Variants in CD226 observed in about 807,000 individuals in gnomAD.
The protein encoded by CD226 is CD226 molecule.
A neutral mutation model predicts 34.9 loss-of-function variants in CD226; 24 were observed. That is an observed-to-expected ratio of 0.69 (90% CI 0.50 to 0.97). The LOEUF (loss-of-function observed/expected upper bound fraction) is 0.97. Ranked by LOEUF, CD226 falls within the 50% of genes least tolerant of loss-of-function variation. The probability of loss-of-function intolerance (pLI) is 0.00; values close to 1 mark genes in which losing one functional copy is unlikely to be tolerated. For missense variants in CD226, 397 were observed against 412.7 expected (o/e 0.96, Z 0.33); for synonymous variants, 148 against 147.4 (o/e 1.00, Z -0.03).
At chr18:69,899,639 A>G (rs1211662935) in intron 2 of CD226, among the ~76,000 whole-genome samples, 2 of 152,238 alleles carry the variant, frequency 1.3e-5, no homozygotes, top group African/African-American at 4.8e-5. Flanking sequence ...ACACTTCTCA[A>G]AAGAAGACAT....
intron 2 of CD226, among the ~76,000 whole-genome samples, chr18:69,904,757 A>G (rs993748378): frequency 2.6e-5 from 4 of 152,220 alleles, no homozygotes; most frequent in Non-Finnish European, 5.9e-5. Context: ...ATAAAACCAA[A>G]AAATAAAATG....
chr18:69,939,207 T>C (rs1173021216), intron 2 of CD226, among the ~76,000 whole-genome samples: 2 of 152,254 alleles, frequency 1.3e-5, no homozygotes, highest in Non-Finnish European at 2.9e-5. Context: ...TTAAAGACCC[T>C]TTCAGCCCTT....
At chr18:69,942,193 G>A (rs1041883284) in intron 2 of CD226, among the ~76,000 whole-genome samples, 4 of 152,302 alleles carry the variant, frequency 2.6e-5, no homozygotes, top group African/African-American at 9.6e-5. Context: ...TCACAGCAGT[G>A]TGAGAATAGA....
chr18:69,894,337 C>G (rs532095849), intron 3 of CD226, among the ~76,000 whole-genome samples: 2 of 76,824 alleles, frequency 2.6e-5, no homozygotes, highest in East Asian at 3.3e-4. Context: ...GCCTAATACA[C>G]AAATAGTGCA....
At chr18:69,872,536 T>G (rs1461211235) in intron 4 of CD226, among the ~76,000 whole-genome samples, 1 of 152,126 alleles carries the variant, frequency 6.6e-6, no homozygotes, top group African/African-American at 2.4e-5. Context: ...CAGGCACATA[T>G]CACTGTGACC....
chr18:69,874,153 C>T (rs1983720985), intron 3 of CD226, among the ~76,000 whole-genome samples: 1 of 152,176 alleles, frequency 6.6e-6, no homozygotes, highest in Non-Finnish European at 1.5e-5. Context: ...GTGGATGTGT[C>T]TCTTCATTTG....
rs1403317655 is a variant in CD226 at position 69,855,240 on chromosome 18, T to C, written c.*9074A>G. 4 of 152,002 alleles carry C rather than the reference T, an allele frequency of 2.6e-5. No homozygotes were observed. The highest frequency in any genetic ancestry group is 9.7e-5 in the African/African-American group (4 of 41,354). 9.4% of individuals were successfully genotyped at this position (152,002 alleles called of 1,614,324 possible). On this transcript the variant is annotated 3_prime_UTR_variant, in exon 6 of 6. Coordinates refer to ENST00000582621, the MANE Select transcript of CD226 (RefSeq NM_001303618.2). ...TCAGAATTATCAGACATGGAACTTA[T>C]CATTAATATGTTAAGAGCTCTCATG... is the stretch of plus-strand genomic sequence containing the variant.
chr18:69,934,727 T>TA (rs1263819045), intron 2 of CD226, among the ~76,000 whole-genome samples: 1 of 152,148 alleles, frequency 6.6e-6, no homozygotes, highest in East Asian at 1.9e-4. Context: ...TTTTCTCACA[T>TA]TAAGAGTTAT....
upstream of CD226, chr18:69,947,987 T>A (rs1313846323): frequency 6.6e-6 from 1 of 152,140 alleles, no homozygotes. Flanking sequence ...TCTCAGACAT[T>A]TGCTTTGATG....
Position 69,931,694 on chromosome 18 carries a change from G to C in CD226, c.382+15040C>G, listed in dbSNP as rs2145333868. Among the ~76,000 whole-genome samples, 2 of 152,312 alleles carry C rather than the reference G, an allele frequency of 1.3e-5. 1 individual carries two copies. The highest frequency in any genetic ancestry group is 4.1e-4 in the South Asian group (2 of 4,826). On this transcript the variant is annotated intron_variant, in intron 2 of 5. Transcript: ENST00000582621. ...AATAGTTTTTTAAAATGTAAGACCT[G>C]AATCTTCAAGAGGGGAAGAATTCAG...
rs994707889 is a variant in CD226 at position 69,855,432 on chromosome 18, G to A, written c.*8882C>T. ...CGAAGGAAGAATGAATGACTTTGAAGCTAGGCCAATAGAAACTTTTCAAAC... is the reference window on the plus strand; with the variant it reads ...CGAAGGAAGAATGAATGACTTTGAAACTAGGCCAATAGAAACTTTTCAAAC... On this transcript the variant is annotated 3_prime_UTR_variant, in exon 6 of 6. Transcript: ENST00000582621. The A allele has an allele frequency of 6.6e-6, 1 of 152,148 alleles. No individual in the cohort carries two copies. The highest frequency in any genetic ancestry group is 1.5e-5 in the Non-Finnish European group (1 of 68,004). The allele number at this position is 152,148 out of a possible 1,614,324, so 9.4% of individuals were successfully genotyped here.
intron 1 of CD226, among the ~76,000 whole-genome samples, chr18:69,953,265 G>A (rs2055869087): frequency 6.6e-6 from 1 of 152,190 alleles, no homozygotes. Context: ...GTAGACCAAT[G>A]TTTACAGCAG....
At chr18:69,906,405 G>C (rs2055253667) in intron 2 of CD226, among the ~76,000 whole-genome samples, 1 of 152,216 alleles carries the variant, frequency 6.6e-6, no homozygotes, top group Non-Finnish European at 1.5e-5. Context: ...AAAATTGGAA[G>C]ATAATTTCTG....
intron 3 of CD226, among the ~76,000 whole-genome samples, chr18:69,885,450 GAGA>G (rs1568168558): frequency 6.6e-6 from 1 of 152,304 alleles, no homozygotes; most frequent in African/African-American, 2.4e-5. Flanking sequence ...TTGACAGGAA[GAGA>G]AGAAGGGAGA....
intron 2 of CD226, among the ~76,000 whole-genome samples, chr18:69,901,661 C>G (rs1397802013): frequency 6.6e-6 from 1 of 151,810 alleles, no homozygotes; most frequent in Non-Finnish European, 1.5e-5. Context: ...AGGCAGATCA[C>G]GAGGTCAGGA....
chr18:69,867,248 G>A (rs1983203107), intron 5 of CD226, 109 bp downstream of exon 5: 1 of 692,062 alleles, frequency 1.4e-6, no homozygotes, highest in Admixed American at 2.2e-5. Context: ...CAACTGCATG[G>A]TCAGGTTACT....
rs1982655358 is a variant in CD226 at position 69,857,849 on chromosome 18, A to G, written c.*6465T>C. The G allele has an allele frequency of 6.6e-6, 1 of 152,166 alleles. No individual in the cohort carries two copies. The highest frequency in any genetic ancestry group is 2.4e-5 in the African/African-American group (1 of 41,454). The allele number at this position is 152,166 out of a possible 1,614,324, so 9.4% of individuals were successfully genotyped here. A position where few individuals can be genotyped will look rare whatever the true frequency, so the allele number is the denominator to read the frequency against. On this transcript the variant is annotated 3_prime_UTR_variant, in exon 6 of 6. Coordinates refer to ENST00000582621, the MANE Select transcript of CD226 (RefSeq NM_001303618.2). ...TATAGGTCAAATGATACACAGTATAATTTTGTGGCATTTTGATTACAAGTT... is the reference window on the plus strand; with the variant it reads ...TATAGGTCAAATGATACACAGTATAGTTTTGTGGCATTTTGATTACAAGTT...
intron 2 of CD226, among the ~76,000 whole-genome samples, chr18:69,940,148 G>C (rs1485844579): frequency 6.6e-6 from 1 of 152,100 alleles, no homozygotes; most frequent in Non-Finnish European, 1.5e-5. Flanking sequence ...TCTTCTCCCT[G>C]CTACCATGTG....
chr18:69,940,756 G>A (rs891545545), intron 2 of CD226, among the ~76,000 whole-genome samples: 4 of 152,168 alleles, frequency 2.6e-5, no homozygotes, highest in African/African-American at 4.8e-5. Flanking sequence ...CGACAGAAAA[G>A]AAAAACATTT....
Sources: allele counts gnomAD v4.1 joint callset (sites outside exome capture counted in the v4.1 genomes callset), GRCh38; gene constraint gnomAD v4.1.1; transcripts MANE v1.5; gene names NCBI Gene and HGNC (gene_info 2026-07-23, HGNC 2026-07-21).